RPH3A: variants seen among roughly 807,000 people sequenced by gnomAD.
RPH3A encodes the protein rabphilin 3A, also known as rabphilin-3A.
RPH3A carries 48 observed loss-of-function variants against 102.2 expected under a neutral mutation model. The ratio of observed to expected loss-of-function variants is 0.47; its 90% CI spans 0.37 to 0.60. The LOEUF (loss-of-function observed/expected upper bound fraction) is 0.60. Among genes scored for constraint, RPH3A ranks in the 20% least tolerant of loss-of-function variants. The pLI, the probability that RPH3A is intolerant of heterozygous loss-of-function variation, is 0.00. For missense variants in RPH3A, 781 were observed against 910.1 expected (o/e 0.86, Z 1.83); for synonymous variants, 310 against 324.3 (o/e 0.96, Z 0.47).
intron 1 of RPH3A, among the ~76,000 whole-genome samples, chr12:112,610,188 C>T (rs1592905581): frequency 6.6e-6 from 1 of 152,158 alleles, no homozygotes; most frequent in African/African-American, 2.4e-5. Flanking sequence ...CTGGTTTCAG[C>T]TTAAATGGCT....
intron 1 of RPH3A, among the ~76,000 whole-genome samples, chr12:112,698,860 C>A (rs1452875032): frequency 3.4e-5 from 5 of 146,940 alleles, no homozygotes; most frequent in Non-Finnish European, 1.5e-5. Flanking sequence ...CCTTCTCCTT[C>A]CCCTTCCCCT....
chr12:112,664,918 T>A (rs1348864229), intron 1 of RPH3A, among the ~76,000 whole-genome samples: 1 of 149,998 alleles, frequency 6.7e-6, no homozygotes, highest in Non-Finnish European at 1.5e-5. Context: ...GACTTAACAC[T>A]CTCAGAAGTC....
chr12:112,689,018 A>G (rs950961673), intron 1 of RPH3A, among the ~76,000 whole-genome samples: 1 of 152,148 alleles, frequency 6.6e-6, no homozygotes, highest in Non-Finnish European at 1.5e-5. Flanking sequence ...GCTATCATCA[A>G]CTCCATATAC....
At chr12:112,652,456 A>G (rs1290914688) in intron 1 of RPH3A, among the ~76,000 whole-genome samples, 1 of 152,100 alleles carries the variant, frequency 6.6e-6, no homozygotes, top group Non-Finnish European at 1.5e-5. Flanking sequence ...GGTGACAGAA[A>G]AAGACCCTGT....
intron 1 of RPH3A, among the ~76,000 whole-genome samples, chr12:112,699,133 C>T (rs1322103270): frequency 1.3e-5 from 2 of 152,186 alleles, no homozygotes; most frequent in East Asian, 3.8e-4. Context: ...GTTGCCCAGG[C>T]TTGTGTCAAA....
At chr12:112,804,503 G>A (rs980503359) in intron 2 of RPH3A, among the ~76,000 whole-genome samples, 2 of 152,220 alleles carry the variant, frequency 1.3e-5, no homozygotes, top group Non-Finnish European at 2.9e-5. Flanking sequence ...CTGTTCTTTA[G>A]CCCCATCCAT....
intron 2 of RPH3A, among the ~76,000 whole-genome samples, chr12:112,812,721 CA>C (rs1720900064): frequency 6.6e-6 from 1 of 152,122 alleles, no homozygotes; most frequent in African/African-American, 2.4e-5. Context: ...CACATACACA[CA>C]AAACCCCTTT....
At position 112,865,736 on chromosome 12, in the gene RPH3A, CCCTGGAAG is replaced by C. The variant is rs1386214534; in HGVS notation, c.360+196_360+203del. The C allele has an allele frequency of 9.0e-5, 48 of 533,250 alleles. No homozygotes were observed. The East Asian group carries it at 1.7e-3, about 19-fold the overall frequency. 33.0% of individuals were successfully genotyped at this position (533,250 alleles called of 1,614,324 possible). ...CAACGTAACCCTGATCCTGGTTCCT[CCCTGGAAG>C]CCACTCTGAGCCTTCTGTCTCTTAG... On this transcript the variant is annotated intron_variant, in intron 6 of 21. Transcript: ENST00000389385.
At chr12:112,676,904 G>T (rs917870126) in intron 1 of RPH3A, among the ~76,000 whole-genome samples, 1 of 152,198 alleles carries the variant, frequency 6.6e-6, no homozygotes, top group Non-Finnish European at 1.5e-5. Flanking sequence ...GGTTGAGGAA[G>T]AATGAGGGGC....
In RPH3A at chr12:112,699,586, T is replaced by C. The variant is rs367602263; in HGVS notation, c.-139-92557T>C. Among the ~76,000 whole-genome samples, 28 of 152,254 alleles carry C rather than the reference T, an allele frequency of 1.8e-4. No individual in the cohort carries two copies. In the East Asian group the frequency reaches 4.6e-3, roughly 25 times the overall value. On this transcript the variant is annotated intron_variant, in intron 1 of 21. Transcript: ENST00000543106. ...TAGAAAAAGCAAAACCAACCTATAG[T>C]GACAGAAAGCAGACAAGTGGTTGCC...
At chr12:112,751,833 A>G (rs1386099867) in intron 1 of RPH3A, among the ~76,000 whole-genome samples, 1 of 152,240 alleles carries the variant, frequency 6.6e-6, no homozygotes, top group African/African-American at 2.4e-5. Context: ...AAAAATTGGA[A>G]GCAGCATAAA....
At position 112,795,489 on chromosome 12, in the gene RPH3A, T is replaced by A. The variant is rs1032906085; in HGVS notation, c.-19+3226T>A. Among the ~76,000 whole-genome samples the A allele has an allele frequency of 2.0e-4, 31 of 152,156 alleles. 1 individual carries two copies. The highest frequency in any genetic ancestry group is 4.1e-4 in the Non-Finnish European group (28 of 68,022). On this transcript the variant is annotated intron_variant, in intron 2 of 21. Transcript: ENST00000389385. The stretch of plus-strand genomic sequence containing the variant: ...GGAGGTACTGCAGAAATAGCCCCCT[T>A]CTTTCTGTGCCTCACACCTATCTAC...
At chr12:112,724,324 G>A (rs2040572298) in intron 1 of RPH3A, among the ~76,000 whole-genome samples, 1 of 152,060 alleles carries the variant, frequency 6.6e-6, no homozygotes, top group African/African-American at 2.4e-5. Flanking sequence ...CCCAACCTCT[G>A]AAAGTGCTGG....
chr12:112,846,680 C>T (rs1203967009), intron 4 of RPH3A, among the ~76,000 whole-genome samples: 1 of 152,228 alleles, frequency 6.6e-6, no homozygotes, highest in African/African-American at 2.4e-5. Flanking sequence ...TTTTCTCCCT[C>T]ATAGGGACAA....
At chr12:112,595,025 A>G (rs2039506771) in intron 1 of RPH3A, among the ~76,000 whole-genome samples, 1 of 152,324 alleles carries the variant, frequency 6.6e-6, no homozygotes, top group South Asian at 2.1e-4. Flanking sequence ...CTAGCATAGT[A>G]ATTAAGAGCT....
intron 1 of RPH3A, among the ~76,000 whole-genome samples, chr12:112,720,499 C>T (rs1017135216): frequency 3.9e-5 from 6 of 152,158 alleles, no homozygotes; most frequent in African/African-American, 1.4e-4. Context: ...TTTATGATAA[C>T]CAGGAGACAG....
Position 112,641,183 on chromosome 12 carries a change from C to T in RPH3A, c.-140+65864C>T, listed in dbSNP as rs575127364. Among the ~76,000 whole-genome samples the T allele has an allele frequency of 2.0e-5, 3 of 152,326 alleles. No homozygotes were observed. In the East Asian group the frequency reaches 5.8e-4, roughly 29 times the overall value. On this transcript the variant is annotated intron_variant, in intron 1 of 21. Transcript: ENST00000543106. ...AAATTTTGAAAAGGTCATCATTTAACTTCTGCTGCTTGCAGTCAGCCTGCT... is the reference window on the plus strand; with the variant it reads ...AAATTTTGAAAAGGTCATCATTTAATTTCTGCTGCTTGCAGTCAGCCTGCT...
chr12:112,887,458 G>A (rs1028483587), intron 16 of RPH3A, among the ~76,000 whole-genome samples: 6 of 152,336 alleles, frequency 3.9e-5, no homozygotes, highest in Admixed American at 1.3e-4. Flanking sequence ...AGGCAAAAGA[G>A]TGGCTATCTT....
chr12:112,890,065 C>T lies in RPH3A; in HGVS notation c.1605C>T (p.Ala535=), dbSNP rs2043067267. Residue 535 remains alanine, a synonymous_variant, in exon 18 of 22, where the codon GCC becomes GCT. Transcript: ENST00000389385. ...AGTTGSARGM[A]LYEEEQVERV... ...CCACCGGGTCAGCCCGAGGCATGGCCCTTTATGAGGAAGAGGTGAGCACTG... is the reference window on the plus strand; with the variant it reads ...CCACCGGGTCAGCCCGAGGCATGGCTCTTTATGAGGAAGAGGTGAGCACTG... 1.9e-6 allele frequency: 3 copies of T among 1,613,676 alleles called. No homozygotes were observed. The highest frequency in any genetic ancestry group is 2.7e-5 in the African/African-American group (2 of 75,030).
Sources: gnomAD v4.1 joint callset for allele counts (sites outside exome capture counted in the v4.1 genomes callset) on GRCh38, gnomAD v4.1.1 for gene constraint, MANE v1.5 for transcripts, NCBI Gene and HGNC (gene_info 2026-07-23, HGNC 2026-07-21) for gene names.